The following NAV3 variants were observed in gnomAD, a reference collection of about 807,000 sequenced individuals.
NAV3 encodes the protein neuron navigator 3, also known as pore membrane and/or filament interacting like protein 1.
In NAV3, 87 loss-of-function variants were observed where a neutral mutation model predicts 244.7. The observed-to-expected ratio is 0.36, with a 90% CI of 0.30 to 0.42. The LOEUF is 0.42. Ranked by LOEUF, NAV3 falls within the 20% of genes least tolerant of loss-of-function variation. The pLI, the probability that NAV3 is intolerant of heterozygous loss-of-function variation, is 1.00. For missense variants in NAV3, 2,663 were observed against 2,893.3 expected, an observed-to-expected ratio of 0.92 and a Z score of 1.83; for synonymous variants, 1,126 against 1,042.2, an observed-to-expected ratio of 1.08 and a Z score of -1.55.
intron 23 of NAV3, among the ~76,000 whole-genome samples, chr12:78,162,893 T>A (rs1195919970): frequency 3.1e-5 from 4 of 129,448 alleles, no homozygotes; most frequent in African/African-American, 8.0e-5. Context: ...ATATATATAA[T>A]ATATATATAA....
chr12:77,928,380 A>G (rs1413806986), intron 1 of NAV3, among the ~76,000 whole-genome samples: 1 of 152,134 alleles, frequency 6.6e-6, no homozygotes, highest in East Asian at 1.9e-4. Flanking sequence ...CTGGACACGA[A>G]CTAGGTAGCT....
chr12:77,748,119 TG>T (rs1340975585), intron 2 of NAV3, among the ~76,000 whole-genome samples: 1 of 152,206 alleles, frequency 6.6e-6, no homozygotes, highest in Non-Finnish European at 1.5e-5. Flanking sequence ...AATATAACAA[TG>T]GTATATATGT....
intron 2 of NAV3, among the ~76,000 whole-genome samples, chr12:77,816,580 A>G (rs755127232): frequency 1.3e-5 from 2 of 152,184 alleles, no homozygotes; most frequent in Non-Finnish European, 2.9e-5. Context: ...GCCTTCTTGC[A>G]TGGTGCTTGG....
At chr12:78,104,331 C>T (rs922114783) in intron 12 of NAV3, among the ~76,000 whole-genome samples, 1 of 152,158 alleles carries the variant, frequency 6.6e-6, no homozygotes, top group Non-Finnish European at 1.5e-5. Context: ...GAAAAATTAC[C>T]TACAAATGGC....
intron 1 of NAV3, among the ~76,000 whole-genome samples, chr12:77,933,797 C>T (rs917646779): frequency 2.0e-5 from 3 of 152,182 alleles, no homozygotes; most frequent in Non-Finnish European, 4.4e-5. Context: ...AGTTCTGTAA[C>T]AACAACTGCA....
At chr12:77,726,972 T>C (rs1876905540) in intron 2 of NAV3, among the ~76,000 whole-genome samples, 1 of 151,836 alleles carries the variant, frequency 6.6e-6, no homozygotes, top group African/African-American at 2.4e-5. Flanking sequence ...TATAGAACAG[T>C]TTTAATCGAA....
rs185392200 is a variant in NAV3, at chr12:77,648,176, A to G, written c.72+75910A>G. On this transcript the variant is annotated intron_variant, in intron 2 of 8. Transcript: ENST00000550042. The stretch of plus-strand genomic sequence containing the variant: ...AAAGTAAAGGCCTCGTTTCAAAAAA[A>G]TTTCTTTAGGGGAGTATAAGAGCCA... 3.3e-3 allele frequency among the ~76,000 whole-genome samples: 504 copies of G among 152,218 alleles called. 1 individual carries two copies. The highest frequency in any genetic ancestry group is 6.0e-3 in the Non-Finnish European group (407 of 67,970).
intron 1 of NAV3, among the ~76,000 whole-genome samples, chr12:77,869,254 G>A (rs1592839901): frequency 1.3e-5 from 2 of 152,134 alleles, no homozygotes; most frequent in East Asian, 1.9e-4. Flanking sequence ...ATGAGGGTTC[G>A]ATCAAATAAT....
At chr12:78,161,565 C>T (rs1430253848) in intron 23 of NAV3, among the ~76,000 whole-genome samples, 3 of 151,754 alleles carry the variant, frequency 2.0e-5, no homozygotes, top group Admixed American at 6.6e-5. Flanking sequence ...ATGATTAATG[C>T]CTGAATATTT....
In NAV3 at chr12:77,659,876, G is replaced by C. The variant is rs578018009; in HGVS notation, c.72+87610G>C. The stretch of plus-strand genomic sequence containing the variant: ...ATCGCAAGGACAAAAACCAAACACA[G>C]CATGTTCTCACTCATAGGTGGGAAT... On this transcript the variant is annotated intron_variant, in intron 2 of 8. Coordinates refer to the NAV3 transcript ENST00000550042. 1.9e-4 allele frequency among the ~76,000 whole-genome samples: 28 copies of C among 150,450 alleles called. No homozygotes were observed. The East Asian group carries it at 5.1e-3, about 28-fold the overall frequency.
intron 1 of NAV3, among the ~76,000 whole-genome samples, chr12:77,911,881 G>A (rs1046337554): frequency 6.6e-6 from 1 of 151,666 alleles, no homozygotes; most frequent in African/African-American, 2.4e-5. Flanking sequence ...TTAACTCCAG[G>A]GTGTTCAGAC....
chr12:77,843,280 C>G (rs998605008), intron 1 of NAV3, among the ~76,000 whole-genome samples: 1 of 152,032 alleles, frequency 6.6e-6, no homozygotes. Context: ...CTGATTCCAG[C>G]TAGACCTATT....
At chr12:77,658,211 A>G (rs1211424073) in intron 2 of NAV3, among the ~76,000 whole-genome samples, 1 of 152,120 alleles carries the variant, frequency 6.6e-6, no homozygotes, top group Non-Finnish European at 1.5e-5. Flanking sequence ...AGAAAACCCC[A>G]TTGTCTCAGC....
At chr12:77,941,456 C>T (rs1417055356) in intron 3 of NAV3, among the ~76,000 whole-genome samples, 1 of 152,168 alleles carries the variant, frequency 6.6e-6, no homozygotes, top group Non-Finnish European at 1.5e-5. Context: ...GTCTGAACAA[C>T]TGGCTTAAAG....
intron 2 of NAV3, among the ~76,000 whole-genome samples, chr12:77,813,790 A>G (rs565672511): frequency 1.3e-5 from 2 of 152,344 alleles, no homozygotes; most frequent in Non-Finnish European, 2.9e-5. Flanking sequence ...TCAAAAGATT[A>G]GAGCCTGTCA....
intron 11 of NAV3, among the ~76,000 whole-genome samples, chr12:78,057,702 G>T (rs1883713887): frequency 6.6e-6 from 1 of 152,162 alleles, no homozygotes; most frequent in African/African-American, 2.4e-5. Flanking sequence ...GCATATCATT[G>T]CTGTTTCCAT....
At chr12:77,675,329 A>G (rs1874158773) in intron 2 of NAV3, among the ~76,000 whole-genome samples, 1 of 152,172 alleles carries the variant, frequency 6.6e-6, no homozygotes, top group African/African-American at 2.4e-5. Context: ...AACAGTTCTT[A>G]GAGTACATTT....
chr12:77,682,566 G>A (rs1874521286), intron 2 of NAV3, among the ~76,000 whole-genome samples: 1 of 151,966 alleles, frequency 6.6e-6, no homozygotes, highest in Non-Finnish European at 1.5e-5. Context: ...TTAGTTTTTT[G>A]AGGAACCTAT....
At chr12:77,674,374 T>C (rs1003589902) in intron 2 of NAV3, among the ~76,000 whole-genome samples, 2 of 151,546 alleles carry the variant, frequency 1.3e-5, no homozygotes, top group African/African-American at 4.9e-5. Flanking sequence ...CAAATGGAGA[T>C]ATTTTCAAAT....
Sources: allele counts gnomAD v4.1 joint callset (sites outside exome capture counted in the v4.1 genomes callset), GRCh38; gene constraint gnomAD v4.1.1; transcripts MANE v1.5; gene names NCBI Gene and HGNC (gene_info 2026-07-23, HGNC 2026-07-21).